Variants in FGF12 observed in about 807,000 individuals in gnomAD.
FGF12 encodes the protein fibroblast growth factor 12.
A neutral mutation model predicts 23.6 loss-of-function variants in FGF12; 14 were observed. That is an observed-to-expected ratio of 0.59 (90% CI 0.39 to 0.93). The LOEUF (loss-of-function observed/expected upper bound fraction) is 0.93, where lower values mean the gene tolerates loss of function less well. Ranked by LOEUF, FGF12 falls within the 40% of genes least tolerant of loss-of-function variation. The pLI, the probability that FGF12 is intolerant of heterozygous loss-of-function variation, is 0.00. For synonymous variants in FGF12, 62 were observed against 77.3 expected (o/e 0.80, Z 1.04); for missense variants, 175 against 217.8 (o/e 0.80, Z 1.24).
intron 2 of FGF12, among the ~76,000 whole-genome samples, chr3:192,651,590 G>A (rs1402180595): frequency 6.6e-6 from 1 of 151,856 alleles, no homozygotes; most frequent in East Asian, 1.9e-4. Context: ...ATTTAAAATG[G>A]GTGGACAAAT....
In FGF12 at chr3:192,335,229, C is replaced by A. The variant is rs989456867; in HGVS notation, c.228+132G>T. 20 of 631,500 alleles carry A rather than the reference C, an allele frequency of 3.2e-5. No homozygotes were observed. In the African/African-American group the frequency reaches 3.7e-4, roughly 12 times the overall value. 39.1% of individuals were successfully genotyped at this position (631,500 alleles called of 1,614,324 possible). The stretch of plus-strand genomic sequence containing the variant: ...CTAAATTACAAAACCTCAAAATAAT[C>A]CCGAAAAACAGGATCACAAAATATA... On this transcript the variant is annotated intron_variant, in intron 4 of 5. Transcript: ENST00000445105.
At chr3:192,554,987 G>A (rs1711702294) in intron 2 of FGF12, among the ~76,000 whole-genome samples, 1 of 151,898 alleles carries the variant, frequency 6.6e-6, no homozygotes, top group Non-Finnish European at 1.5e-5. Flanking sequence ...TCCAGTAGGA[G>A]AAAAGAATAA....
chr3:192,326,040 T>C (rs1478327181), intron 4 of FGF12, among the ~76,000 whole-genome samples: 1 of 152,158 alleles, frequency 6.6e-6, no homozygotes, highest in African/African-American at 2.4e-5. Context: ...AAAATTAAAC[T>C]GTATGATGCC....
intron 2 of FGF12, among the ~76,000 whole-genome samples, chr3:192,511,145 T>A (rs1724458684): frequency 6.6e-6 from 1 of 152,020 alleles, no homozygotes; most frequent in African/African-American, 2.4e-5. Context: ...AGAAGAGTCA[T>A]AACTATACAC....
chr3:192,141,767 TTG>T lies in FGF12; in HGVS notation c.*2240_*2241del, dbSNP rs1342957821. ...AATTGATTTTTATGATTTGCATCAA[TTG>T]TGTTATTTATGAAACCATCGTTTTA... On this transcript the variant is annotated 3_prime_UTR_variant, in exon 6 of 6. Coordinates refer to ENST00000445105, the MANE Select transcript of FGF12 (RefSeq NM_004113.6). 2.0e-5 allele frequency: 3 copies of T among 148,726 alleles called. No homozygotes were observed. The highest frequency in any genetic ancestry group is 3.9e-4 in the East Asian group (2 of 5,072). 9.2% of individuals were successfully genotyped at this position (148,726 alleles called of 1,614,324 possible).
intron 2 of FGF12, among the ~76,000 whole-genome samples, chr3:192,383,859 C>G (rs1719930834): frequency 6.6e-6 from 1 of 152,068 alleles, no homozygotes; most frequent in South Asian, 2.1e-4. Context: ...AGGTTTAGAA[C>G]TCAGGAGAGA....
At chr3:192,326,728 T>C (rs1032301382) in intron 4 of FGF12, among the ~76,000 whole-genome samples, 2 of 152,222 alleles carry the variant, frequency 1.3e-5, no homozygotes, top group African/African-American at 4.8e-5. Flanking sequence ...TTATATTATG[T>C]TGGAACACTG....
chr3:192,486,424 C>G (rs1459204577), intron 2 of FGF12, among the ~76,000 whole-genome samples: 1 of 151,862 alleles, frequency 6.6e-6, no homozygotes, highest in Non-Finnish European at 1.5e-5. Context: ...GAGCATATTG[C>G]TTCAGATGAG....
intron 2 of FGF12, among the ~76,000 whole-genome samples, chr3:192,373,352 TG>T (rs1371101953): frequency 6.6e-6 from 1 of 151,752 alleles, no homozygotes; most frequent in Non-Finnish European, 1.5e-5. Context: ...ATAAAACGAC[TG>T]TATTGGAAGA....
intron 2 of FGF12, among the ~76,000 whole-genome samples, chr3:192,622,535 A>G (rs2108648866): frequency 6.6e-6 from 1 of 152,290 alleles, no homozygotes; most frequent in Admixed American, 6.5e-5. Context: ...AGGTCCCCAC[A>G]TAATTCAAGT....
intron 4 of FGF12, among the ~76,000 whole-genome samples, chr3:192,240,276 G>T (rs1281978089): frequency 1.3e-5 from 2 of 152,106 alleles, no homozygotes; most frequent in African/African-American, 4.8e-5. Context: ...TTCCAGCCCA[G>T]CAGTGACAAT....
chr3:192,290,703 T>C (rs1421087289), intron 4 of FGF12, among the ~76,000 whole-genome samples: 6 of 152,186 alleles, frequency 3.9e-5, no homozygotes, highest in African/African-American at 1.4e-4. Flanking sequence ...TTTCTTCATG[T>C]AACTAGCTGG....
intron 4 of FGF12, among the ~76,000 whole-genome samples, chr3:192,287,155 AC>A (rs1019625445): frequency 3.9e-5 from 6 of 152,044 alleles, no homozygotes; most frequent in Non-Finnish European, 7.4e-5. Flanking sequence ...TTTTTGATTA[AC>A]GTTCAATGTT....
intron 4 of FGF12, among the ~76,000 whole-genome samples, chr3:192,228,074 C>A (rs1248218085): frequency 3.9e-5 from 6 of 151,968 alleles, no homozygotes; most frequent in African/African-American, 1.4e-4. Context: ...TTTTAGTGAT[C>A]TATTGCCCAC....
chr3:192,455,629 CAT>C (rs1176883767), intron 2 of FGF12, among the ~76,000 whole-genome samples: 2 of 152,118 alleles, frequency 1.3e-5, no homozygotes, highest in East Asian at 3.8e-4. Flanking sequence ...TAAATATAAA[CAT>C]ACGTGTTGTT....
At chr3:192,619,160 T>C (rs1428158754) in intron 2 of FGF12, among the ~76,000 whole-genome samples, 1 of 152,030 alleles carries the variant, frequency 6.6e-6, no homozygotes, top group Non-Finnish European at 1.5e-5. Context: ...ATTAGATTTT[T>C]TAATTGGCTG....
intron 5 of FGF12, among the ~76,000 whole-genome samples, chr3:192,158,376 T>TTCTCTC (rs1373918230): frequency 8.3e-6 from 1 of 120,606 alleles, no homozygotes; most frequent in Non-Finnish European, 1.8e-5. Context: ...CTTTCTTTCT[T>TTCTCTC]TCTTTCTTTT....
chr3:192,167,731 GTATATATATATA>G lies in FGF12; in HGVS notation c.427+2715_427+2726del, dbSNP rs11394352. ...CTAAAATTAGGAGGGTAGGTTATAGGTATATATATATATATATATATATATATATATATATAT... is the reference window on the plus strand; with the variant it reads ...CTAAAATTAGGAGGGTAGGTTATAGGTATATATATATATATATATATATAT... On this transcript the variant is annotated intron_variant, in intron 5 of 5. Coordinates refer to ENST00000445105, the MANE Select transcript of FGF12 (RefSeq NM_004113.6). 7.2e-4 allele frequency among the ~76,000 whole-genome samples: 18 copies of G among 25,046 alleles called. 1 individual carries two copies. The South Asian group carries it at 0.018, about 25-fold the overall frequency. 16.4% of individuals were successfully genotyped at this position (25,046 alleles called of 152,430 possible). A position where few individuals can be genotyped will look rare whatever the true frequency, so the allele number is the denominator to read the frequency against.
intron 2 of FGF12, among the ~76,000 whole-genome samples, chr3:192,567,250 T>A (rs990437240): frequency 2.6e-5 from 4 of 152,258 alleles, no homozygotes; most frequent in African/African-American, 9.6e-5. Flanking sequence ...GGGAATACTC[T>A]ACCTTCAACT....
Sources: allele counts gnomAD v4.1 joint callset (sites outside exome capture counted in the v4.1 genomes callset), GRCh38; gene constraint gnomAD v4.1.1; transcripts MANE v1.5; gene names NCBI Gene and HGNC (gene_info 2026-07-23, HGNC 2026-07-21).